Variants in DPH7 observed in about 807,000 individuals in gnomAD.
DPH7 encodes the protein diphthine methyltransferase.
Under a neutral mutation model 41.7 loss-of-function variants are expected in DPH7, and 44 were observed. The ratio of observed to expected loss-of-function variants is 1.05; its 90% CI spans 0.83 to 1.36. The LOEUF (loss-of-function observed/expected upper bound fraction) is 1.36. Ranked by LOEUF, DPH7 falls within the 40% of genes most tolerant of loss-of-function variation. The pLI, the probability that DPH7 is intolerant of heterozygous loss-of-function variation, is 0.00. For missense variants in DPH7, 629 were observed against 577.5 expected, an observed-to-expected ratio of 1.09 and a Z score of -0.91; for synonymous variants, 275 against 238.0, an observed-to-expected ratio of 1.16 and a Z score of -1.43.
intron 8 of DPH7, among the ~76,000 whole-genome samples, chr9:137,558,152 G>T (rs544185517): frequency 6.6e-6 from 1 of 151,826 alleles, no homozygotes; most frequent in Admixed American, 6.6e-5. Context: ...GAAAGAAAAA[G>T]AAAAAAAGGC....
intron 4 of DPH7, 102 bp from the exon 5 acceptor site, chr9:137,574,482 T>C: frequency 7.9e-7 from 1 of 1,262,522 alleles, no homozygotes; most frequent in Admixed American, 2.1e-5. Context: ...AGCCCTGGGA[T>C]GCGGATATGC....
intron 1 of DPH7, chr9:137,577,916 T>C (rs1564475779): frequency 4.1e-6 from 4 of 969,324 alleles, no homozygotes; most frequent in Non-Finnish European, 4.9e-6. Flanking sequence ...ATTTGGATCC[T>C]AATATGTACC....
At position 137,574,374 on chromosome 9, in the gene DPH7, C is replaced by G. The variant is rs764815467; in HGVS notation, c.474G>C (p.Gly158=). 1 of 1,613,882 alleles carries G rather than the reference C, an allele frequency of 6.2e-7. No homozygotes were observed. The highest frequency in any genetic ancestry group is 8.5e-7 in the Non-Finnish European group (1 of 1,179,912). Residue 158 remains glycine, a synonymous_variant, in exon 5 of 9, where the codon GGG becomes GGC. Coordinates refer to ENST00000277540, the MANE Select transcript of DPH7 (RefSeq NM_138778.5). ...DWSTGKTGRA[G]DQPLKIISSD... is the part of the protein sequence containing the mutation. ...TGCTGATGATCTTCAAGGGCTGGTC[C>G]CCGGCCCTAGACACAGGGAACCCAT... is the stretch of plus-strand genomic sequence containing the variant.
intron 5 of DPH7, among the ~76,000 whole-genome samples, chr9:137,569,865 A>ACCAT (rs373776373): frequency 6.1e-4 from 89 of 146,080 alleles, no homozygotes; most frequent in African/African-American, 2.0e-3. Flanking sequence ...TCATCCACCC[A>ACCAT]CCATCCATCC....
chr9:137,576,876 C>T (rs1323107670), intron 2 of DPH7, among the ~76,000 whole-genome samples: 1 of 149,264 alleles, frequency 6.7e-6, no homozygotes, highest in East Asian at 2.0e-4. Flanking sequence ...GGCGACAGAG[C>T]GAGACTCCGT....
rs187812676 is a variant in DPH7 at position 137,557,517 on chromosome 9, T to C, written c.950-1869A>G. Among the ~76,000 whole-genome samples, 1,349 of 139,808 alleles carry C rather than the reference T, an allele frequency of 9.6e-3. 7 individuals carry two copies. Among genetic ancestry groups the C allele is most frequent in the Middle Eastern group, 0.019 (4 of 210 alleles). The allele number at this position is 139,808 out of a possible 152,430, so 91.7% of individuals were successfully genotyped here. A position where few individuals can be genotyped will look rare whatever the true frequency, so the allele number is the denominator to read the frequency against. ...AAGACTCTGTCTCAAAAAAAAAAAA[T>C]TGTTTAAATTAAAGATACAGGCTGG... is the stretch of plus-strand genomic sequence containing the variant. On this transcript the variant is annotated intron_variant, in intron 8 of 8. Coordinates refer to ENST00000277540, the MANE Select transcript of DPH7 (RefSeq NM_138778.5).
intron 8 of DPH7, among the ~76,000 whole-genome samples, chr9:137,561,934 G>A (rs1044858456): frequency 3.3e-5 from 5 of 152,118 alleles, no homozygotes; most frequent in Non-Finnish European, 4.4e-5. Context: ...GCGCGATCTC[G>A]GCTCACTGCA....
chr9:137,568,998 A>T (rs1389991556), intron 5 of DPH7, among the ~76,000 whole-genome samples: 1 of 152,100 alleles, frequency 6.6e-6, no homozygotes, highest in Non-Finnish European at 1.5e-5. Context: ...GCCCTCTGTC[A>T]TCTTAAAGCA....
At position 137,578,657 on chromosome 9, in the gene DPH7, G is replaced by A. The variant is rs1841877674; in HGVS notation, c.121C>T (p.Pro41Ser). ...TGGGGGCCGGCAGGCCGGTCCTCCG[G>A]CCGCCGCAGCTGGTAGGTCCCGCAC... Reference protein sequence around the residue: ...LACGTYQLRRPEDRPAGPQNK... With the variant: ...LACGTYQLRRSEDRPAGPQNK... Residue 41 changes from proline (P) to serine (S), a missense_variant, in exon 1 of 9, where the codon CCG becomes TCG. Physicochemically the swap from Pro to Ser is moderately conservative, Grantham distance 74 (BLOSUM62 -1). Coordinates refer to ENST00000277540, the MANE Select transcript of DPH7 (RefSeq NM_138778.5). 6.6e-7 allele frequency: 1 copy of A among 1,520,936 alleles called. No individual in the cohort carries two copies. Among genetic ancestry groups the A allele is most frequent in the Non-Finnish European group, 8.8e-7 (1 of 1,137,562 alleles). 94.2% of individuals were successfully genotyped at this position (1,520,936 alleles called of 1,614,324 possible).
Position 137,555,175 on chromosome 9 carries a change from C to A in DPH7, c.*64G>T. The A allele has an allele frequency of 6.5e-7, 1 of 1,527,676 alleles. No individual in the cohort carries two copies. Among genetic ancestry groups the A allele is most frequent in the South Asian group, 1.3e-5 (1 of 76,898 alleles). The allele number at this position is 1,527,676 out of a possible 1,614,324, so 94.6% of individuals were successfully genotyped here. The stretch of plus-strand genomic sequence containing the variant: ...AGTAAGCATCTCTGATGAGGTGGTC[C>A]CGGGCACTCACTCGCAGTCTCCCTC... On this transcript the variant is annotated 3_prime_UTR_variant, in exon 9 of 9. Coordinates refer to ENST00000277540, the MANE Select transcript of DPH7 (RefSeq NM_138778.5).
intron 1 of DPH7, 40 bp downstream of exon 1, chr9:137,578,585 C>T: frequency 1.4e-6 from 2 of 1,433,256 alleles, no homozygotes; most frequent in Non-Finnish European, 9.1e-7. Context: ...AACCTCGTGG[C>T]CGGCCCCGCC....
intron 8 of DPH7, among the ~76,000 whole-genome samples, chr9:137,557,595 G>C (rs530841422): frequency 1.3e-5 from 2 of 152,160 alleles, no homozygotes; most frequent in East Asian, 3.9e-4. Context: ...GAGGCAGGTG[G>C]ATCACATGAG....
chr9:137,576,460 G>A (rs1211008177), intron 2 of DPH7: 3 of 337,754 alleles, frequency 8.9e-6, no homozygotes, highest in Admixed American at 4.1e-5. Context: ...ACAGGTGGCC[G>A]GGCATGGTGG....
rs528450635 is a variant in DPH7, at chr9:137,563,759, C to T, written c.949+675G>A. ...TTGGAGTGAGGGGAGAGAGAAGAGG[C>T]GAAAGAGGAGAGATCATGAGCTGCA... On this transcript the variant is annotated intron_variant, in intron 8 of 8. Coordinates refer to ENST00000277540, the MANE Select transcript of DPH7 (RefSeq NM_138778.5). Among the ~76,000 whole-genome samples the T allele has an allele frequency of 4.2e-4, 63 of 151,784 alleles. 2 individuals are homozygous for T. In the South Asian group the frequency reaches 0.013, roughly 30 times the overall value.
At chr9:137,561,021 CAAA>C (rs869251490) in intron 8 of DPH7, among the ~76,000 whole-genome samples, 10 of 80,672 alleles carry the variant, frequency 1.2e-4, no homozygotes, top group African/African-American at 4.7e-4. Flanking sequence ...GACCCCATCT[CAAA>C]AAAAAAAAAA....
At position 137,564,953 on chromosome 9, in the gene DPH7, G is replaced by A. The variant is rs1839328650; in HGVS notation, c.716C>T (p.Thr239Ile). The A allele has an allele frequency of 6.3e-7, 1 of 1,595,864 alleles. No homozygotes were observed. The highest frequency in any genetic ancestry group is 1.8e-5 in the Admixed American group (1 of 57,132). Residue 239 changes from threonine (T) to isoleucine (I), a missense_variant, in exon 7 of 9, where the codon ACC becomes ATC. Coordinates refer to ENST00000277540, the MANE Select transcript of DPH7 (RefSeq NM_138778.5). The part of the protein sequence containing the change: ...GKFLFTSKRH[T>I]MGVCSIQSSP... The stretch of plus-strand genomic sequence containing the variant: ...GCTCTGGATGCTGCACACACCCATG[G>A]TGTGTCTGCAAGCAGAGGCGGCTTC...
chr9:137,575,743 TCA>T, intron 3 of DPH7: 1 of 1,092,668 alleles, frequency 9.2e-7, no homozygotes, highest in Non-Finnish European at 1.1e-6. Context: ...AATGCCATCT[TCA>T]CACAGGATGC....
At chr9:137,573,085 G>A (rs1840726258) in intron 5 of DPH7, among the ~76,000 whole-genome samples, 1 of 152,188 alleles carries the variant, frequency 6.6e-6, no homozygotes, top group South Asian at 2.1e-4. Context: ...AAGTGGGCGG[G>A]GCAAGGTGGC....
intron 1 of DPH7, chr9:137,578,043 G>T (rs1469225332): frequency 3.2e-5 from 31 of 980,636 alleles, no homozygotes; most frequent in Non-Finnish European, 3.8e-5. Flanking sequence ...GTTGGCCGGG[G>T]GCGGTGGCTC....
Sources: gnomAD v4.1 joint callset for allele counts (sites outside exome capture counted in the v4.1 genomes callset) on GRCh38, gnomAD v4.1.1 for gene constraint, MANE v1.5 for transcripts, NCBI Gene and HGNC (gene_info 2026-07-23, HGNC 2026-07-21) for gene names.